Variants in PHLDB2 observed in about 807,000 individuals in gnomAD.
PHLDB2 encodes pleckstrin homology like domain family B member 2.
PHLDB2 carries 71 observed loss-of-function variants against 123.6 expected under a neutral mutation model. That is an observed-to-expected ratio of 0.57 (90% CI 0.47 to 0.70). The LOEUF (loss-of-function observed/expected upper bound fraction) is 0.70. Among genes scored for constraint, PHLDB2 ranks in the 30% least tolerant of loss-of-function variants. PHLDB2 has a pLI of 0.00. For synonymous variants in PHLDB2, 547 were observed against 541.6 expected, an observed-to-expected ratio of 1.01 and a Z score of -0.14; for missense variants, 1,446 against 1,519.5, an observed-to-expected ratio of 0.95 and a Z score of 0.80.
At chr3:111,818,372 A>AT (rs1056538831) in intron 1 of PHLDB2, among the ~76,000 whole-genome samples, 1 of 152,148 alleles carries the variant, frequency 6.6e-6, no homozygotes. Flanking sequence ...AATTGGTCAC[A>AT]TTTTTGTTAC....
chr3:111,890,367 A>G (rs765325367), intron 2 of PHLDB2, among the ~76,000 whole-genome samples: 2 of 152,244 alleles, frequency 1.3e-5, no homozygotes, highest in African/African-American at 2.4e-5. Context: ...GATTTACCTC[A>G]GAAGCCAAGA....
chr3:111,859,325 T>C lies in PHLDB2; in HGVS notation c.-266T>C. ...CGCCCAGTGATGGGGCAAACAGCCA[T>C]GCCCTTCCAGCAGCCGTGAAAGCCC... On this transcript the variant is annotated 5_prime_UTR_variant, in exon 1 of 18. An upstream start codon of the reference 5' UTR is lost. Coordinates refer to ENST00000431670, the MANE Select transcript of PHLDB2 (RefSeq NM_001134438.2). The C allele has an allele frequency of 1.0e-6, 1 of 985,574 alleles. No individual in the cohort carries two copies. Among genetic ancestry groups the C allele is most frequent in the Non-Finnish European group, 1.2e-6 (1 of 830,026 alleles). 61.1% of individuals were successfully genotyped at this position (985,574 alleles called of 1,614,324 possible).
chr3:111,895,747 G>GCTGAAGCAGGAAAATCACTTGAACC (rs1185936564), intron 2 of PHLDB2, among the ~76,000 whole-genome samples: 3 of 152,160 alleles, frequency 2.0e-5, no homozygotes, highest in Non-Finnish European at 2.9e-5. Context: ...TACTTCGGAG[G>GCTGAAGCAGGAAAATCACTTGAACC]CTGAAGCAGG....
intron 5 of PHLDB2, among the ~76,000 whole-genome samples, chr3:111,922,310 G>A (rs1015992581): frequency 6.6e-6 from 1 of 152,172 alleles, no homozygotes; most frequent in Non-Finnish European, 1.5e-5. Context: ...AGTGAAGCAA[G>A]TTGAGCCAAT....
chr3:111,941,175 A>G (rs574808918), intron 8 of PHLDB2, among the ~76,000 whole-genome samples: 1 of 152,286 alleles, frequency 6.6e-6, no homozygotes, highest in African/African-American at 2.4e-5. Flanking sequence ...ATCCTCACCA[A>G]AGAGACTATG....
intron 2 of PHLDB2, among the ~76,000 whole-genome samples, chr3:111,903,092 A>G (rs1375543825): frequency 1.3e-5 from 2 of 152,180 alleles, no homozygotes; most frequent in African/African-American, 4.8e-5. Flanking sequence ...TTCATGAGAT[A>G]AGATTAAAAG....
At chr3:111,831,753 A>G (rs1211308347) in intron 1 of PHLDB2, among the ~76,000 whole-genome samples, 1 of 152,192 alleles carries the variant, frequency 6.6e-6, no homozygotes, top group Non-Finnish European at 1.5e-5. Context: ...ATACGAATGC[A>G]GTGCAGATAT....
chr3:111,969,243 T>C (rs1283121378), intron 15 of PHLDB2, among the ~76,000 whole-genome samples: 1 of 152,156 alleles, frequency 6.6e-6, no homozygotes, highest in Non-Finnish European at 1.5e-5. Context: ...ACTTACTAAA[T>C]AGTGTTCAAT....
chr3:111,747,569 G>T (rs2059700306), intron 1 of PHLDB2, among the ~76,000 whole-genome samples: 1 of 152,026 alleles, frequency 6.6e-6, no homozygotes, highest in African/African-American at 2.4e-5. Context: ...CATAAAGTTG[G>T]CCCAGCTTCC....
At chr3:111,762,032 C>T (rs2060004366) in intron 1 of PHLDB2, among the ~76,000 whole-genome samples, 1 of 152,150 alleles carries the variant, frequency 6.6e-6, no homozygotes, top group Non-Finnish European at 1.5e-5. Flanking sequence ...CACATTTTAT[C>T]CAAAAAGGGA....
intron 2 of PHLDB2, among the ~76,000 whole-genome samples, chr3:111,899,021 A>G (rs1301038276): frequency 1.3e-5 from 2 of 152,204 alleles, no homozygotes; most frequent in Non-Finnish European, 2.9e-5. Context: ...AAACTGGTGA[A>G]TTCTTTCCAG....
chr3:111,966,452 T>C (rs190137153), intron 13 of PHLDB2, among the ~76,000 whole-genome samples, 161 bp from the exon 14 acceptor site: 36 of 152,182 alleles, frequency 2.4e-4, no homozygotes, highest in Admixed American at 5.9e-4. Flanking sequence ...TAAGTAACAT[T>C]CTTTAAATTA....
At chr3:111,955,001 A>T (rs975923678) in intron 12 of PHLDB2, among the ~76,000 whole-genome samples, 1 of 152,004 alleles carries the variant, frequency 6.6e-6, no homozygotes, top group Non-Finnish European at 1.5e-5. Flanking sequence ...AATGGTACTG[A>T]GAGATAACAC....
chr3:111,779,970 G>A (rs561043433), intron 1 of PHLDB2: 12 of 643,462 alleles, frequency 1.9e-5, no homozygotes, highest in Middle Eastern at 7.7e-4. Context: ...GAGGAGAGTC[G>A]AGGACTCTGA....
intron 1 of PHLDB2, among the ~76,000 whole-genome samples, chr3:111,769,053 G>T (rs1475993993): frequency 6.6e-6 from 1 of 152,208 alleles, no homozygotes; most frequent in Non-Finnish European, 1.5e-5. Context: ...ACACGTGACT[G>T]TGAGTGTTGC....
intron 1 of PHLDB2, among the ~76,000 whole-genome samples, chr3:111,819,032 C>T (rs2062236165): frequency 6.6e-6 from 1 of 152,150 alleles, no homozygotes; most frequent in Non-Finnish European, 1.5e-5. Context: ...AGAATGCCAG[C>T]ATGGTCAGGA....
intron 2 of PHLDB2, among the ~76,000 whole-genome samples, chr3:111,886,073 G>A (rs1036607918): frequency 2.0e-5 from 3 of 152,144 alleles, no homozygotes; most frequent in African/African-American, 7.2e-5. Flanking sequence ...CATCCCTTGA[G>A]AGTCTCACCA....
At chr3:111,795,701 A>G (rs1261873264) in intron 1 of PHLDB2, among the ~76,000 whole-genome samples, 4 of 152,096 alleles carry the variant, frequency 2.6e-5, no homozygotes, top group African/African-American at 9.7e-5. Flanking sequence ...CCTAGTTTTC[A>G]TAAGTAAAGA....
At chr3:111,776,455 A>G (rs1418240073) in intron 1 of PHLDB2, among the ~76,000 whole-genome samples, 1 of 152,142 alleles carries the variant, frequency 6.6e-6, no homozygotes, top group Non-Finnish European at 1.5e-5. Context: ...TAATTTACTA[A>G]CTGAGTGCAC....
Sources: allele counts gnomAD v4.1 joint callset (sites outside exome capture counted in the v4.1 genomes callset), GRCh38; gene constraint gnomAD v4.1.1; transcripts MANE v1.5; gene names NCBI Gene and HGNC (gene_info 2026-07-23, HGNC 2026-07-21).